Variants in TMEM135 observed in about 807,000 individuals in gnomAD.
The protein encoded by TMEM135 is transmembrane protein 135, also known as peroxisomal membrane protein 52.
A neutral mutation model predicts 60.3 loss-of-function variants in TMEM135; 30 were observed. The ratio of observed to expected loss-of-function variants is 0.50; its 90% CI spans 0.37 to 0.68. TMEM135 has a LOEUF of 0.68. Among genes scored for constraint, TMEM135 ranks in the 30% least tolerant of loss-of-function variants. The pLI is 0.00. For synonymous variants in TMEM135, 190 were observed against 186.7 expected (o/e 1.02, Z -0.14); for missense variants, 468 against 548.8 (o/e 0.85, Z 1.47).
intron 6 of TMEM135, among the ~76,000 whole-genome samples, chr11:87,287,834 C>T (rs954346516): frequency 2.0e-5 from 3 of 152,138 alleles, no homozygotes; most frequent in Admixed American, 2.0e-4. Flanking sequence ...TCTAGCAAAA[C>T]TTTTACAACC....
At chr11:87,068,322 T>G (rs1367542012) in intron 2 of TMEM135, among the ~76,000 whole-genome samples, 3 of 152,246 alleles carry the variant, frequency 2.0e-5, no homozygotes, top group Non-Finnish European at 2.9e-5. Context: ...CTTTATACAT[T>G]GTAGAGATGC....
At chr11:87,163,910 T>C (rs987484887) in intron 5 of TMEM135, among the ~76,000 whole-genome samples, 1 of 148,574 alleles carries the variant, frequency 6.7e-6, no homozygotes, top group Non-Finnish European at 1.5e-5. Context: ...GTAAATTTGT[T>C]TGAATTCATT....
At chr11:87,086,289 T>C (rs2512379) in intron 3 of TMEM135, among the ~76,000 whole-genome samples, 104,092 of 152,016 alleles carry the variant, frequency 0.68, 37,183 homozygotes, top group East Asian at 0.88. Flanking sequence ...CAACTGGAGA[T>C]CTCCACAGCC....
intron 5 of TMEM135, among the ~76,000 whole-genome samples, chr11:87,176,370 T>C (rs1199060075): frequency 6.6e-6 from 1 of 152,140 alleles, no homozygotes; most frequent in Admixed American, 6.6e-5. Context: ...ATGCATATGC[T>C]AGCCCCATGT....
intron 4 of TMEM135, among the ~76,000 whole-genome samples, chr11:87,124,410 T>C (rs1362302227): frequency 5.3e-5 from 8 of 152,174 alleles, no homozygotes; most frequent in Admixed American, 5.2e-4. Context: ...GAGAATCTGT[T>C]TGGCTTATTT....
chr11:87,066,549 C>A (rs564097634), intron 1 of TMEM135, among the ~76,000 whole-genome samples: 1 of 149,190 alleles, frequency 6.7e-6, no homozygotes, highest in South Asian at 2.1e-4. Context: ...TATTTCAGGG[C>A]CTTTTTTGGT....
intron 5 of TMEM135, among the ~76,000 whole-genome samples, chr11:87,227,080 A>G (rs1940781552): frequency 6.6e-6 from 1 of 151,896 alleles, no homozygotes; most frequent in African/African-American, 2.4e-5. Context: ...AAAAAACACA[A>G]TGGCCAATAG....
intron 5 of TMEM135, among the ~76,000 whole-genome samples, chr11:87,184,681 T>C (rs1015159497): frequency 6.6e-6 from 1 of 152,166 alleles, no homozygotes; most frequent in African/African-American, 2.4e-5. Context: ...ACTCTAAATA[T>C]AATGAAATCA....
chr11:87,263,963 A>T (rs192763794), intron 6 of TMEM135, among the ~76,000 whole-genome samples: 3 of 152,178 alleles, frequency 2.0e-5, no homozygotes, highest in African/African-American at 7.2e-5. Flanking sequence ...TAGAAAGGAA[A>T]TATGAAATTA....
At chr11:87,170,388 C>T (rs1565472227) in intron 5 of TMEM135, among the ~76,000 whole-genome samples, 3 of 152,110 alleles carry the variant, frequency 2.0e-5, no homozygotes, top group African/African-American at 7.2e-5. Context: ...AATTTTCAGC[C>T]TTTTTGCACT....
chr11:87,229,094 T>G (rs1010333856), intron 5 of TMEM135, among the ~76,000 whole-genome samples: 3 of 152,182 alleles, frequency 2.0e-5, no homozygotes, highest in Admixed American at 6.5e-5. Flanking sequence ...GAACTTTATT[T>G]GCACATTATT....
intron 1 of TMEM135, among the ~76,000 whole-genome samples, chr11:87,044,218 A>C (rs901654410): frequency 4.6e-5 from 7 of 152,104 alleles, no homozygotes; most frequent in Admixed American, 6.5e-5. Flanking sequence ...AATTTCTAGG[A>C]ATAAAAAACG....
chr11:87,326,884 A>AGAGGG lies in TMEM135; in HGVS notation c.*5555_*5556insGGAGG. On this transcript the variant is annotated 3_prime_UTR_variant, in exon 15 of 15. Transcript: ENST00000305494. The stretch of plus-strand genomic sequence containing the variant: ...GCAGGATAAATAAATCTATGAAACT[A>AGAGGG]GAGGCATCATTGAATCATCTGAGGA... 1 of 449,992 alleles carries AGAGGG rather than the reference A, an allele frequency of 2.2e-6. No individual in the cohort carries two copies. The highest frequency in any genetic ancestry group is 4.4e-6 in the Non-Finnish European group (1 of 226,082). 27.9% of individuals were successfully genotyped at this position (449,992 alleles called of 1,614,324 possible).
chr11:87,103,690 G>A (rs1857520710), intron 4 of TMEM135, among the ~76,000 whole-genome samples: 1 of 151,432 alleles, frequency 6.6e-6, no homozygotes, highest in South Asian at 2.1e-4. Context: ...ACAGGATCTC[G>A]CTCTGTCACT....
At position 87,195,314 on chromosome 11, in the gene TMEM135, T is replaced by TTCCTTCCTTCC. The variant is rs1939910700; in HGVS notation, c.462+37909_462+37910insCCTTCCTTCCT. Among the ~76,000 whole-genome samples, 4 of 65,664 alleles carry TTCCTTCCTTCC rather than the reference T, an allele frequency of 6.1e-5. 1 individual carries two copies. Among genetic ancestry groups the TTCCTTCCTTCC allele is most frequent in the African/African-American group, 2.4e-4 (4 of 16,446 alleles). The allele number at this position is 65,664 out of a possible 152,430, so 43.1% of individuals were successfully genotyped here. ...AAAAGTCATTTTCTCTTTCTTTCTC[T>TTCCTTCCTTCC]TTCCTTCCTTCCTTCCTTCCTTCCT... On this transcript the variant is annotated intron_variant, in intron 5 of 14. Transcript: ENST00000305494.
At chr11:87,245,341 G>A (rs1166217498) in intron 6 of TMEM135, among the ~76,000 whole-genome samples, 2 of 115,080 alleles carry the variant, frequency 1.7e-5, no homozygotes, top group African/African-American at 6.9e-5. Flanking sequence ...ATTTGGGGTG[G>A]AGGGTTCTGT....
chr11:87,314,830 C>G (rs1361400658), intron 12 of TMEM135, among the ~76,000 whole-genome samples: 1 of 151,752 alleles, frequency 6.6e-6, no homozygotes, highest in African/African-American at 2.4e-5. Context: ...CTCAACCCCA[C>G]AGGTATCGAG....
intron 3 of TMEM135, among the ~76,000 whole-genome samples, chr11:87,079,154 T>C (rs1856933713): frequency 6.6e-6 from 1 of 152,066 alleles, no homozygotes; most frequent in African/African-American, 2.4e-5. Flanking sequence ...TACAGGTGCA[T>C]GCCACCACAC....
At chr11:87,288,000 C>A (rs1046834983) in intron 6 of TMEM135, among the ~76,000 whole-genome samples, 1 of 151,976 alleles carries the variant, frequency 6.6e-6, no homozygotes, top group Non-Finnish European at 1.5e-5. Flanking sequence ...TAAATTTATG[C>A]TTATTGTAAA....
Sources: gnomAD v4.1 joint callset for allele counts (sites outside exome capture counted in the v4.1 genomes callset) on GRCh38, gnomAD v4.1.1 for gene constraint, MANE v1.5 for transcripts, NCBI Gene and HGNC (gene_info 2026-07-23, HGNC 2026-07-21) for gene names.